The following RNF212B variants were observed in gnomAD, a reference collection of about 807,000 sequenced individuals.
RNF212B encodes the protein E3 ubiquitin-protein ligase RNF212B.
RNF212B carries 52 observed loss-of-function variants against 55.5 expected under a neutral mutation model. That is an observed-to-expected ratio of 0.94 (90% confidence interval 0.75 to 1.18). RNF212B has a LOEUF of 1.18. Ranked by LOEUF, RNF212B falls within the 50% of genes most tolerant of loss-of-function variation. The pLI is 0.00. For missense variants in RNF212B, 289 were observed against 350.4 expected (o/e 0.82, Z 1.40); for synonymous variants, 99 against 121.4 (o/e 0.82, Z 1.21).
chr14:23,188,674 TA>T (rs1380896919), intron 1 of RNF212B, among the ~76,000 whole-genome samples: 1 of 152,030 alleles, frequency 6.6e-6, no homozygotes, highest in Non-Finnish European at 1.5e-5. Context: ...CTTACTGCAT[TA>T]CCCAGGCTGA....
chr14:23,208,598 G>GCCCAGA (rs1323089300), intron 2 of RNF212B, among the ~76,000 whole-genome samples: 5 of 151,978 alleles, frequency 3.3e-5, no homozygotes, highest in Non-Finnish European at 7.4e-5. Context: ...CAGGAAAGGG[G>GCCCAGA]CCCAGACCCA....
chr14:23,250,747 A>G (rs1186065127), intron 4 of RNF212B, among the ~76,000 whole-genome samples: 1 of 152,152 alleles, frequency 6.6e-6, no homozygotes, highest in Non-Finnish European at 1.5e-5. Flanking sequence ...GTCAGAGTAC[A>G]GTTTGGTTTT....
chr14:23,186,888 C>T (rs1333899897), intron 1 of RNF212B, among the ~76,000 whole-genome samples: 1 of 152,208 alleles, frequency 6.6e-6, no homozygotes, highest in Non-Finnish European at 1.5e-5. Flanking sequence ...TTTCAGGATG[C>T]TATAGCTACT....
intron 2 of RNF212B, among the ~76,000 whole-genome samples, chr14:23,202,633 C>T (rs1022952609): frequency 3.3e-5 from 5 of 152,118 alleles, no homozygotes; most frequent in African/African-American, 9.7e-5. Context: ...GGGTGGATCA[C>T]GAGGTCAGGA....
At chr14:23,214,421 G>T (rs1338409501) in intron 2 of RNF212B, among the ~76,000 whole-genome samples, 3 of 152,122 alleles carry the variant, frequency 2.0e-5, no homozygotes, top group African/African-American at 7.2e-5. Flanking sequence ...TTGAACCCAG[G>T]AGGTGGAGGT....
Position 23,260,655 on chromosome 14 carries a change from A to T in RNF212B, c.406-4A>T. On this transcript the variant is annotated splice_polypyrimidine_tract_variant and splice_region_variant and intron_variant, in intron 6 of 14. Coordinates refer to ENST00000430154, the MANE Select transcript of RNF212B (RefSeq NM_001282322.3). ...TTCTTCACTCCTGGTTTTTTCACCT[A>T]TAGGAATCTCCAAGTCGGTACCAAG... The T allele has an allele frequency of 6.4e-7, 1 of 1,550,432 alleles. No individual in the cohort carries two copies. Among genetic ancestry groups the T allele is most frequent in the Non-Finnish European group, 8.7e-7 (1 of 1,146,916 alleles).
At chr14:23,189,574 G>T (rs12323468) in intron 1 of RNF212B, among the ~76,000 whole-genome samples, 1 of 152,034 alleles carries the variant, frequency 6.6e-6, no homozygotes, top group Non-Finnish European at 1.5e-5. Flanking sequence ...AGGCCAAGGC[G>T]GGAGGATCGC....
At chr14:23,216,738 G>C (rs1881111907) in intron 2 of RNF212B, among the ~76,000 whole-genome samples, 1 of 151,736 alleles carries the variant, frequency 6.6e-6, no homozygotes, top group Admixed American at 6.6e-5. Context: ...AACTTAGCTG[G>C]ATGTGGTGGC....
chr14:23,200,017 T>TAA (rs777564811), intron 2 of RNF212B, among the ~76,000 whole-genome samples: 12 of 144,586 alleles, frequency 8.3e-5, no homozygotes, highest in South Asian at 2.2e-4. Context: ...AATAAAAAAT[T>TAA]AAAAAAAAAA....
At chr14:23,223,690 T>G (rs1881766845) in intron 2 of RNF212B, among the ~76,000 whole-genome samples, 1 of 152,208 alleles carries the variant, frequency 6.6e-6, no homozygotes, top group Non-Finnish European at 1.5e-5. Context: ...GTGATAAGAA[T>G]GCCCATTTTC....
At chr14:23,241,574 C>T (rs927401715) in intron 2 of RNF212B, among the ~76,000 whole-genome samples, 1 of 151,950 alleles carries the variant, frequency 6.6e-6, no homozygotes, top group Non-Finnish European at 1.5e-5. Context: ...TAGGCATGCA[C>T]CACCATGCCT....
upstream of RNF212B, among the ~76,000 whole-genome samples, chr14:23,236,714 G>T (rs178763): frequency 0.18 from 27,752 of 151,778 alleles, 2,633 homozygotes; most frequent in South Asian, 0.23. Context: ...AAGCTCTTTG[G>T]AGGGTCTTCA....
intron 2 of RNF212B, among the ~76,000 whole-genome samples, chr14:23,214,441 C>T (rs1461268428): frequency 6.6e-6 from 1 of 151,978 alleles, no homozygotes; most frequent in Non-Finnish European, 1.5e-5. Flanking sequence ...TTGCGGTGAG[C>T]CCAAATTGCG....
At position 23,207,225 on chromosome 14, in the gene RNF212B, G is replaced by A. The variant is rs1879938434; in HGVS notation, c.-2+13824G>A. Among the ~76,000 whole-genome samples, 4 of 152,322 alleles carry A rather than the reference G, an allele frequency of 2.6e-5. No homozygotes were observed. The South Asian group carries it at 8.3e-4, about 32-fold the overall frequency. ...TGTAAGTAGGAATTAACACCAGCTGGCTGGTAAATGCTAACTTTAGTCATT... is the reference window on the plus strand; with the variant it reads ...TGTAAGTAGGAATTAACACCAGCTGACTGGTAAATGCTAACTTTAGTCATT... On this transcript the variant is annotated intron_variant, in intron 2 of 15. Transcript: ENST00000399910.
chr14:23,257,037 C>T (rs1884887225), intron 4 of RNF212B, among the ~76,000 whole-genome samples: 2 of 152,030 alleles, frequency 1.3e-5, no homozygotes. Flanking sequence ...CCTGTAATCC[C>T]AGCTACTCAG....
intron 4 of RNF212B, among the ~76,000 whole-genome samples, chr14:23,249,854 T>C (rs530497872): frequency 6.6e-6 from 1 of 152,344 alleles, no homozygotes; most frequent in African/African-American, 2.4e-5. Flanking sequence ...GGGTTCTTTT[T>C]TCCTCAAATC....
intron 2 of RNF212B, among the ~76,000 whole-genome samples, chr14:23,227,212 T>G (rs11625545): frequency 0.16 from 23,796 of 144,888 alleles, 1,948 homozygotes; most frequent in Non-Finnish European, 0.18. Flanking sequence ...CTATTTTATT[T>G]TATTATTATA....
intron 4 of RNF212B, among the ~76,000 whole-genome samples, chr14:23,252,121 C>T (rs1020043525): frequency 6.6e-6 from 1 of 152,088 alleles, no homozygotes; most frequent in African/African-American, 2.4e-5. Flanking sequence ...GTTGGGACCC[C>T]AACCCTCTAA....
intron 7 of RNF212B, 71 bp from the exon 8 acceptor site, chr14:23,262,594 T>C: frequency 1.6e-6 from 2 of 1,274,966 alleles, no homozygotes; most frequent in South Asian, 1.3e-5. Context: ...AATGATCTGA[T>C]TGATCCTCTA....
Sources: allele counts gnomAD v4.1 joint callset (sites outside exome capture counted in the v4.1 genomes callset), GRCh38; gene constraint gnomAD v4.1.1; transcripts MANE v1.5; gene names NCBI Gene and HGNC (gene_info 2026-07-23, HGNC 2026-07-21).